ROBO2: variants seen among roughly 807,000 people sequenced by gnomAD.
ROBO2 encodes roundabout guidance receptor 2, also known as roundabout homolog 2.
Under a neutral mutation model 160.8 loss-of-function variants are expected in ROBO2, and 53 were observed. The ratio of observed to expected loss-of-function variants is 0.33; its 90% CI spans 0.26 to 0.41. The LOEUF (loss-of-function observed/expected upper bound fraction) is 0.41, where lower values mean the gene tolerates loss of function less well. ROBO2 is among the 10% of genes least tolerant of loss of function. The pLI, the probability that ROBO2 is intolerant of heterozygous loss-of-function variation, is 1.00. For missense variants in ROBO2, 1,577 were observed against 1,722.4 expected, an observed-to-expected ratio of 0.92 and a Z score of 1.49; for synonymous variants, 664 against 611.7, an observed-to-expected ratio of 1.09 and a Z score of -1.26.
intron 4 of ROBO2, among the ~76,000 whole-genome samples, chr3:77,487,276 C>A (rs1560974074): frequency 6.6e-6 from 1 of 152,022 alleles, no homozygotes; most frequent in Non-Finnish European, 1.5e-5. Context: ...CTGCTATGTC[C>A]CATGCCCTGT....
intron 2 of ROBO2, among the ~76,000 whole-genome samples, chr3:76,194,679 G>A (rs149889951): frequency 0.014 from 2,111 of 151,692 alleles, 54 homozygotes; most frequent in African/African-American, 0.048. Context: ...GAGTGCAGTG[G>A]CACAATCTCG....
At chr3:77,563,759 C>A (rs1220755339) in intron 11 of ROBO2, among the ~76,000 whole-genome samples, 1 of 151,970 alleles carries the variant, frequency 6.6e-6, no homozygotes, top group Non-Finnish European at 1.5e-5. Flanking sequence ...TTAAAATAAT[C>A]CCAATATTTT....
At chr3:77,040,067 C>G (rs531641236) in exon 1 of ROBO2, 3 of 640,934 alleles carry the variant, frequency 4.7e-6, no homozygotes, top group Non-Finnish European at 3.9e-6. Flanking sequence ...TCCCTCCCTC[C>G]CTCCCTCGCT....
intron 2 of ROBO2, among the ~76,000 whole-genome samples, chr3:77,222,594 C>A (rs572190994): frequency 6.6e-6 from 1 of 152,244 alleles, no homozygotes; most frequent in South Asian, 2.1e-4. Flanking sequence ...GGTTTATATT[C>A]TCTTCAAATT....
intron 1 of ROBO2, among the ~76,000 whole-genome samples, chr3:77,055,462 G>C (rs1251418705): frequency 1.3e-5 from 2 of 152,098 alleles, no homozygotes; most frequent in Non-Finnish European, 2.9e-5. Context: ...GTTTATCATA[G>C]AAATAGAGGT....
At chr3:77,316,442 A>G (rs543976639) in intron 2 of ROBO2, among the ~76,000 whole-genome samples, 32 of 152,296 alleles carry the variant, frequency 2.1e-4, no homozygotes, top group Admixed American at 1.9e-3. Flanking sequence ...TTTACTCAAT[A>G]TGAATTTACA....
rs181441787 is a variant in ROBO2 at position 76,932,411 on chromosome 3, C to T, written c.110-165603C>T. ...TGATATTATCATTCATGATTGCATG[C>T]ATATGTTTAGAAACACACACACACA... On this transcript the variant is annotated intron_variant, in intron 2 of 26. Transcript: ENST00000487694. Among the ~76,000 whole-genome samples, 220 of 141,284 alleles carry T rather than the reference C, an allele frequency of 1.6e-3. 2 individuals are homozygous for T. Among genetic ancestry groups the T allele is most frequent in the African/African-American group, 5.7e-3 (215 of 38,004 alleles). The allele number at this position is 141,284 out of a possible 152,430, so 92.7% of individuals were successfully genotyped here. A position where few individuals can be genotyped will look rare whatever the true frequency, so the allele number is the denominator to read the frequency against.
intron 23 of ROBO2, chr3:77,629,908 T>C (rs1454885976): frequency 1.3e-5 from 2 of 152,136 alleles, no homozygotes; most frequent in African/African-American, 4.8e-5. Context: ...CATGAAATAG[T>C]TCCTAATCTC....
intron 2 of ROBO2, among the ~76,000 whole-genome samples, chr3:75,999,518 A>G (rs900636390): frequency 6.6e-6 from 1 of 152,172 alleles, no homozygotes; most frequent in African/African-American, 2.4e-5. Flanking sequence ...TTCCTTAGCC[A>G]TAGGAGTTTA....
chr3:77,110,901 C>T (rs2073492743), intron 2 of ROBO2, among the ~76,000 whole-genome samples: 1 of 151,976 alleles, frequency 6.6e-6, no homozygotes, highest in Non-Finnish European at 1.5e-5. Context: ...ACTCTCTTGC[C>T]CAGACTGGTC....
At chr3:77,410,400 G>A (rs1183003403) in intron 2 of ROBO2, among the ~76,000 whole-genome samples, 1 of 151,774 alleles carries the variant, frequency 6.6e-6, no homozygotes. Flanking sequence ...TCTAGTATGG[G>A]CTGACTCACA....
At chr3:76,359,162 C>T (rs1179601141) in intron 2 of ROBO2, among the ~76,000 whole-genome samples, 1 of 151,812 alleles carries the variant, frequency 6.6e-6, no homozygotes, top group Non-Finnish European at 1.5e-5. Context: ...TTTCTTAATC[C>T]AGTCTATCAT....
intron 2 of ROBO2, among the ~76,000 whole-genome samples, chr3:76,190,814 A>T (rs1415386098): frequency 6.6e-6 from 1 of 152,174 alleles, no homozygotes. Flanking sequence ...TTCCCTTTCT[A>T]TACCGAATTT....
chr3:76,676,262 C>A (rs1560355995), intron 2 of ROBO2, among the ~76,000 whole-genome samples: 1 of 151,728 alleles, frequency 6.6e-6, no homozygotes, highest in Non-Finnish European at 1.5e-5. Context: ...AGAGTGATTT[C>A]TCATGAGATC....
intron 6 of ROBO2, among the ~76,000 whole-genome samples, chr3:77,536,671 C>A (rs1330173645): frequency 6.6e-6 from 1 of 151,866 alleles, no homozygotes; most frequent in Non-Finnish European, 1.5e-5. Flanking sequence ...ATCTTAGTAC[C>A]CTCTGACAGA....
intron 2 of ROBO2, among the ~76,000 whole-genome samples, chr3:77,346,007 A>G (rs936945743): frequency 3.9e-5 from 6 of 152,162 alleles, no homozygotes; most frequent in African/African-American, 1.4e-4. Flanking sequence ...AATGTGCTTC[A>G]TTATTATTGT....
chr3:76,144,113 G>T (rs2071795091), intron 2 of ROBO2, among the ~76,000 whole-genome samples: 1 of 151,926 alleles, frequency 6.6e-6, no homozygotes, highest in African/African-American at 2.4e-5. Flanking sequence ...AAATATTTGG[G>T]CACATTGTGG....
chr3:76,895,753 G>A (rs933045479), intron 2 of ROBO2, among the ~76,000 whole-genome samples: 1 of 152,156 alleles, frequency 6.6e-6, no homozygotes, highest in African/African-American at 2.4e-5. Context: ...CATGTTCCTT[G>A]TAGGAAGATA....
At chr3:76,809,594 A>G (rs72898148) in intron 2 of ROBO2, among the ~76,000 whole-genome samples, 1 of 152,318 alleles carries the variant, frequency 6.6e-6, no homozygotes, top group African/African-American at 2.4e-5. Context: ...TTTAGGAGTC[A>G]CAAAATATTG....
Sources: allele counts gnomAD v4.1 joint callset (sites outside exome capture counted in the v4.1 genomes callset), GRCh38; gene constraint gnomAD v4.1.1; transcripts MANE v1.5; gene names NCBI Gene and HGNC (gene_info 2026-07-23, HGNC 2026-07-21).